Variants in FOCAD observed in about 807,000 individuals in gnomAD.
The protein encoded by FOCAD is focadhesin, also known as KIAA1797.
Under a neutral mutation model 225.6 loss-of-function variants are expected in FOCAD, and 198 were observed. The observed-to-expected ratio is 0.88, with a 90% confidence interval of 0.78 to 0.99. FOCAD has a LOEUF of 0.99. FOCAD is among the 50% of genes least tolerant of loss of function. The pLI is 0.00. For missense variants in FOCAD, 2,713 were observed against 2,123.6 expected, an observed-to-expected ratio of 1.28 and a Z score of -5.46; for synonymous variants, 897 against 755.0, an observed-to-expected ratio of 1.19 and a Z score of -3.08.
intron 21 of FOCAD, among the ~76,000 whole-genome samples, chr9:20,903,467 G>T (rs1426191853): frequency 6.6e-6 from 1 of 151,780 alleles, no homozygotes; most frequent in East Asian, 1.9e-4. Context: ...AGTCAGTATT[G>T]TCCTTTTACA....
intron 15 of FOCAD, among the ~76,000 whole-genome samples, chr9:20,855,582 TATC>T (rs1422618878): frequency 2.0e-5 from 3 of 151,734 alleles, no homozygotes; most frequent in Non-Finnish European, 3.0e-5. Flanking sequence ...CCTCAAGCAT[TATC>T]ATTTATCTGT....
In FOCAD at chr9:20,866,917, T is replaced by TTTTTAAAA; in HGVS notation, c.2107-12_2107-11insTTTTAAAA. ...TTTTTTTTTTTTTTTTTTTTTTTTT[T>TTTTTAAAA]ACCCTATCTAGGACCCAATTGTAGC... is the stretch of plus-strand genomic sequence containing the variant. On this transcript the variant is annotated splice_polypyrimidine_tract_variant and intron_variant, in intron 17 of 43. Coordinates refer to ENST00000338382, the MANE Select transcript of FOCAD (RefSeq NM_001375567.1). 1.3e-6 allele frequency: 1 copy of TTTTTAAAA among 764,970 alleles called. No homozygotes were observed. 47.4% of individuals were successfully genotyped at this position (764,970 alleles called of 1,614,324 possible). A position where few individuals can be genotyped will look rare whatever the true frequency, so the allele number is the denominator to read the frequency against.
At chr9:20,960,529 T>A (rs1225649296) in intron 35 of FOCAD, among the ~76,000 whole-genome samples, 1 of 152,190 alleles carries the variant, frequency 6.6e-6, no homozygotes, top group Non-Finnish European at 1.5e-5. Context: ...ACTTCTTGCC[T>A]GAATTATTAC....
At position 20,971,344 on chromosome 9, in the gene FOCAD, A is replaced by G. The variant is rs10964771; in HGVS notation, c.4133-5076A>G. ...CTTCTACTTTTTCTTTATCTCTACC[A>G]ATTATGCTGCTATTTCTGAATATGC... is the stretch of plus-strand genomic sequence containing the variant. On this transcript the variant is annotated intron_variant, in intron 35 of 43. Coordinates refer to ENST00000338382, the MANE Select transcript of FOCAD (RefSeq NM_001375567.1). Among the ~76,000 whole-genome samples, 897 of 152,222 alleles carry G rather than the reference A, an allele frequency of 5.9e-3. 52 individuals carry two copies. In the East Asian group the frequency reaches 0.15, roughly 25 times the overall value.
At chr9:20,857,069 C>A (rs553361119) in intron 15 of FOCAD, among the ~76,000 whole-genome samples, 1 of 151,824 alleles carries the variant, frequency 6.6e-6, no homozygotes, top group Non-Finnish European at 1.5e-5. Context: ...TTTCCTTATA[C>A]TGGGTCTTTA....
intron 1 of FOCAD, among the ~76,000 whole-genome samples, chr9:20,699,299 T>G (rs1266372996): frequency 6.6e-6 from 1 of 152,142 alleles, no homozygotes; most frequent in African/African-American, 2.4e-5. Context: ...TTTTGAAGAT[T>G]GGCTTTATTG....
At chr9:20,762,436 A>G (rs1829683383) in intron 6 of FOCAD, among the ~76,000 whole-genome samples, 1 of 152,228 alleles carries the variant, frequency 6.6e-6, no homozygotes. Flanking sequence ...TGAGAGCAGG[A>G]ACTTAATCTA....
At chr9:20,673,252 G>A (rs1010176155) in intron 2 of FOCAD, among the ~76,000 whole-genome samples, 2 of 152,114 alleles carry the variant, frequency 1.3e-5, no homozygotes, top group Non-Finnish European at 2.9e-5. Flanking sequence ...GCTTTTATGT[G>A]GGTTTATGTT....
chr9:20,813,762 G>C (rs1361260940), intron 11 of FOCAD, among the ~76,000 whole-genome samples: 1 of 152,124 alleles, frequency 6.6e-6, no homozygotes, highest in East Asian at 1.9e-4. Flanking sequence ...CAGTGTTGTT[G>C]AAGTGCTCTG....
At chr9:20,830,877 G>A (rs2131495908) in intron 15 of FOCAD, among the ~76,000 whole-genome samples, 1 of 152,078 alleles carries the variant, frequency 6.6e-6, no homozygotes, top group South Asian at 2.1e-4. Context: ...GTCTCACTAT[G>A]TTGACCAGGC....
At chr9:20,743,277 TAGA>T (rs1264716030) in intron 5 of FOCAD, among the ~76,000 whole-genome samples, 1 of 152,220 alleles carries the variant, frequency 6.6e-6, no homozygotes, top group Non-Finnish European at 1.5e-5. Flanking sequence ...TAATTTAAAA[TAGA>T]AGGAGTATGG....
chr9:20,673,331 T>C (rs542788285), intron 2 of FOCAD, among the ~76,000 whole-genome samples: 1 of 152,214 alleles, frequency 6.6e-6, no homozygotes, highest in African/African-American at 2.4e-5. Context: ...GCTTAACACT[T>C]TGAGGAACTG....
chr9:20,885,771 G>A (rs1587505097), intron 21 of FOCAD, among the ~76,000 whole-genome samples: 2 of 152,134 alleles, frequency 1.3e-5, no homozygotes, highest in South Asian at 4.1e-4. Context: ...GGGGAAGAGG[G>A]AAGCTGGAAA....
chr9:20,885,231 G>A lies in FOCAD; in HGVS notation c.2625+1G>A, dbSNP rs1249340123. On this transcript the variant is annotated splice_donor_variant, in intron 21 of 43. Transcript: ENST00000338382. LOFTEE classifies it high-confidence loss of function. ...GACTTCACTTGCTCTTGTACATGAG[G>A]TAGGTTCCCGTGTCCTCTTCTTTAT... is the stretch of plus-strand genomic sequence containing the variant. The A allele has an allele frequency of 1.3e-6, 2 of 1,506,246 alleles. No homozygotes were observed. Among genetic ancestry groups the A allele is most frequent in the Non-Finnish European group, 1.8e-6 (2 of 1,126,060 alleles). The allele number at this position is 1,506,246 out of a possible 1,614,324, so 93.3% of individuals were successfully genotyped here. A position where few individuals can be genotyped will look rare whatever the true frequency, so the allele number is the denominator to read the frequency against.
intron 21 of FOCAD, 118 bp from the exon 22 acceptor site, chr9:20,907,032 T>G: frequency 1.4e-6 from 1 of 705,184 alleles, no homozygotes; most frequent in Non-Finnish European, 2.4e-6. Flanking sequence ...TAGACTGATT[T>G]GGTTTGTTTT....
chr9:20,711,054 T>A (rs10811395), intron 1 of FOCAD, among the ~76,000 whole-genome samples: 60,000 of 152,020 alleles, frequency 0.39, 12,200 homozygotes, highest in East Asian at 0.49. Context: ...AGAAAAAAGA[T>A]TTCTAGTCCT....
intron 8 of FOCAD, among the ~76,000 whole-genome samples, chr9:20,773,191 A>T (rs1451499097): frequency 6.6e-6 from 1 of 152,130 alleles, no homozygotes; most frequent in Non-Finnish European, 1.5e-5. Context: ...TGACCATTTT[A>T]TTGTGTATTT....
intron 11 of FOCAD, among the ~76,000 whole-genome samples, chr9:20,794,351 G>T (rs1000775479): frequency 5.3e-5 from 8 of 152,100 alleles, no homozygotes; most frequent in Admixed American, 2.0e-4. Flanking sequence ...TTGCCATAGT[G>T]TATATATGGA....
Position 20,995,669 on chromosome 9 carries a change from G to C in FOCAD, c.*40G>C. 6.4e-7 allele frequency: 1 copy of C among 1,568,326 alleles called. No homozygotes were observed. The highest frequency in any genetic ancestry group is 8.8e-7 in the Non-Finnish European group (1 of 1,140,192). ...ACCAGCAGCATTCTCAGCTGGATGA[G>C]GAAAACCATATAAGTGGAAGAAGTT... is the stretch of plus-strand genomic sequence containing the variant. On this transcript the variant is annotated 3_prime_UTR_variant, in exon 44 of 44. Transcript: ENST00000338382.
Sources: allele counts gnomAD v4.1 joint callset (sites outside exome capture counted in the v4.1 genomes callset), GRCh38; gene constraint gnomAD v4.1.1; transcripts MANE v1.5; gene names NCBI Gene and HGNC (gene_info 2026-07-23, HGNC 2026-07-21).